Variants in FBLN1 observed in about 807,000 individuals in gnomAD.
FBLN1 encodes the protein fibulin-1.
Under a neutral mutation model 89.7 loss-of-function variants are expected in FBLN1, and 34 were observed. The ratio of observed to expected loss-of-function variants is 0.38; its 90% confidence interval spans 0.29 to 0.50. The LOEUF (loss-of-function observed/expected upper bound fraction) is 0.50, where lower values mean the gene tolerates loss of function less well. Among genes scored for constraint, FBLN1 ranks in the 20% least tolerant of loss-of-function variants. The pLI is 0.92. For missense variants in FBLN1, 777 were observed against 988.1 expected (o/e 0.79, Z 2.86); for synonymous variants, 393 against 391.3 (o/e 1.00, Z -0.05).
intron 14 of FBLN1, among the ~76,000 whole-genome samples, chr22:45,573,680 CAAAAAA>C (rs60082908): frequency 6.8e-5 from 4 of 58,942 alleles, no homozygotes; most frequent in Non-Finnish European, 1.1e-4. Flanking sequence ...GACTCTGTCT[CAAAAAA>C]AAAAAAAAAA....
In FBLN1 at chr22:45,550,227, AC is replaced by A. The variant is rs569346379; in HGVS notation, c.1574-262del. ...CTTATCCTTGCGAGGTACTCCCAGG[AC>A]CCATCATGTAGTGTTTACTTTTACC... is the stretch of plus-strand genomic sequence containing the variant. On this transcript the variant is annotated intron_variant, in intron 13 of 16. Coordinates refer to ENST00000327858, the MANE Select transcript of FBLN1 (RefSeq NM_006486.3). The surrounding 1 kb of genome is among the most constrained non-coding windows in gnomAD (Gnocchi z 8.4). Among the ~76,000 whole-genome samples the A allele has an allele frequency of 1.1e-4, 17 of 152,160 alleles. No homozygotes were observed. Among genetic ancestry groups the A allele is most frequent in the Non-Finnish European group, 2.1e-4 (14 of 68,022 alleles).
At chr22:45,566,907 A>G (rs2088905504) in intron 14 of FBLN1, among the ~76,000 whole-genome samples, 1 of 152,268 alleles carries the variant, frequency 6.6e-6, no homozygotes, top group Non-Finnish European at 1.5e-5. Flanking sequence ...TAACAACTCC[A>G]ACAGCTAACA....
intron 4 of FBLN1, among the ~76,000 whole-genome samples, chr22:45,528,336 A>G (rs535725603): frequency 6.6e-6 from 1 of 151,476 alleles, no homozygotes; most frequent in African/African-American, 2.4e-5. Flanking sequence ...ACAGACTTAC[A>G]TGTTAATCTC....
rs1284521269 is a variant in FBLN1 at position 45,562,060 on chromosome 22, C to T, written c.1697+11445C>T. ...TCTTTTGGCAACACCCTCACAGACACACCCAGGATCAATACTTTGTATCCT... is the reference window on the plus strand; with the variant it reads ...TCTTTTGGCAACACCCTCACAGACATACCCAGGATCAATACTTTGTATCCT... On this transcript the variant is annotated intron_variant, in intron 14 of 16. Transcript: ENST00000327858. The surrounding 1 kb of genome is among the most constrained non-coding windows in gnomAD (Gnocchi z 7.8). Among the ~76,000 whole-genome samples the T allele has an allele frequency of 1.3e-5, 2 of 152,318 alleles. No individual in the cohort carries two copies. Among genetic ancestry groups the T allele is most frequent in the East Asian group, 3.9e-4 (2 of 5,190 alleles).
At chr22:45,540,968 T>C (rs530058780) in intron 8 of FBLN1, among the ~76,000 whole-genome samples, 1 of 152,266 alleles carries the variant, frequency 6.6e-6, no homozygotes, top group South Asian at 2.1e-4. Flanking sequence ...CAGGTCCCGA[T>C]TTGGCGCAGC....
chr22:45,563,751 C>T lies in FBLN1; in HGVS notation c.1698-10760C>T, dbSNP rs567481143. ...CTGTGGCCATGCCAGGTCAAGGAAGCGGGTCTGCTGGCCCCTGCCTGGTTC... is the reference window on the plus strand; with the variant it reads ...CTGTGGCCATGCCAGGTCAAGGAAGTGGGTCTGCTGGCCCCTGCCTGGTTC... On this transcript the variant is annotated intron_variant, in intron 14 of 16. Coordinates refer to ENST00000327858, the MANE Select transcript of FBLN1 (RefSeq NM_006486.3). This position sits in a 1 kb window ranked among gnomAD's most constrained non-coding sequence, Gnocchi z 5.7. 4.6e-5 allele frequency among the ~76,000 whole-genome samples: 7 copies of T among 152,274 alleles called. No individual in the cohort carries two copies. The highest frequency in any genetic ancestry group is 2.6e-4 in the Admixed American group (4 of 15,300).
rs72184550 is a variant in FBLN1, at chr22:45,530,081, TGTTCTTA to T, written c.485-1180_485-1174del. On this transcript the variant is annotated intron_variant, in intron 4 of 16. Coordinates refer to ENST00000327858, the MANE Select transcript of FBLN1 (RefSeq NM_006486.3). This position sits in a 1 kb window ranked among gnomAD's most constrained non-coding sequence, Gnocchi z 5.4. ...CACCCGGGACTCATCTTTCACTTAT[TGTTCTTA>T]GTTTTTCAAGTCCAGGGCCCCATGG... Among the ~76,000 whole-genome samples, 23,443 of 151,972 alleles carry T rather than the reference TGTTCTTA, an allele frequency of 0.15. 2,357 individuals carry two copies. Among genetic ancestry groups the T allele is most frequent in the African/African-American group, 0.28 (11,788 of 41,362 alleles).
At chr22:45,507,209 G>C (rs879590362) in intron 1 of FBLN1, among the ~76,000 whole-genome samples, 16 of 152,170 alleles carry the variant, frequency 1.1e-4, no homozygotes, top group Admixed American at 9.2e-4. Context: ...CCCCACAGTG[G>C]TCCTAACTAG....
Position 45,563,374 on chromosome 22 carries a change from C to T in FBLN1, c.1698-11137C>T. 6.4e-7 allele frequency: 1 copy of T among 1,555,632 alleles called. No homozygotes were observed. The highest frequency in any genetic ancestry group is 8.6e-7 in the Non-Finnish European group (1 of 1,157,058). On this transcript the variant is annotated intron_variant, in intron 14 of 16. Transcript: ENST00000327858. This position sits in a 1 kb window ranked among gnomAD's most constrained non-coding sequence, Gnocchi z 5.7. ...GTCCCACACAGTGAGCCTCGCGTGCCTTGGTTTTATTTGGCATGGTTGGGA... is the reference window on the plus strand; with the variant it reads ...GTCCCACACAGTGAGCCTCGCGTGCTTTGGTTTTATTTGGCATGGTTGGGA...
intron 1 of FBLN1, among the ~76,000 whole-genome samples, chr22:45,506,443 C>T (rs1438056280): frequency 1.3e-5 from 2 of 152,200 alleles, no homozygotes; most frequent in African/African-American, 4.8e-5. Context: ...GTGGATGTGG[C>T]AGGAAAGGAG....
Position 45,558,124 on chromosome 22 carries a change from G to A in FBLN1, c.1697+7509G>A, listed in dbSNP as rs762235958. 5.6e-6 allele frequency: 4 copies of A among 716,038 alleles called. No homozygotes were observed. The South Asian group carries it at 5.9e-5, about 11-fold the overall frequency. The allele number at this position is 716,038 out of a possible 1,614,324, so 44.4% of individuals were successfully genotyped here. A position where few individuals can be genotyped will look rare whatever the true frequency, so the allele number is the denominator to read the frequency against. On this transcript the variant is annotated intron_variant, in intron 14 of 16. Coordinates refer to ENST00000327858, the MANE Select transcript of FBLN1 (RefSeq NM_006486.3). ...ATCGGTGCAGGCTGGAGAAGAGAAG[G>A]CAAGTTGGCAGGAGTGGAGACCACG...
rs889003794 is a variant in FBLN1 at position 45,574,725 on chromosome 22, A to G, written c.1840+72A>G. 13 of 1,364,160 alleles carry G rather than the reference A, an allele frequency of 9.5e-6. 1 individual carries two copies. The highest frequency in any genetic ancestry group is 1.8e-4 in the Middle Eastern group (1 of 5,618). 84.5% of individuals were successfully genotyped at this position (1,364,160 alleles called of 1,614,324 possible). ...TCGGCTTCAGCTGAGGGCTTGGCCT[A>G]CAGGAGTTGTTCCTTGTAAGATGTG... On this transcript the variant is annotated intron_variant, in intron 15 of 16. Transcript: ENST00000327858. The surrounding 1 kb of genome is among the most constrained non-coding windows in gnomAD (Gnocchi z 4.1).
chr22:45,546,500 C>T (rs1474345755), intron 11 of FBLN1, among the ~76,000 whole-genome samples: 6 of 152,250 alleles, frequency 3.9e-5, no homozygotes, highest in Admixed American at 3.3e-4. Flanking sequence ...AGGCATGAGC[C>T]ACCATGCCTT....
chr22:45,505,378 T>A (rs986642858), intron 1 of FBLN1, among the ~76,000 whole-genome samples: 2 of 151,048 alleles, frequency 1.3e-5, no homozygotes, highest in African/African-American at 5.0e-5. Flanking sequence ...AGTTTCCCAG[T>A]CAGGAGGTGG....
chr22:45,585,170 A>C (rs2089073993), intron 16 of FBLN1, among the ~76,000 whole-genome samples: 1 of 152,198 alleles, frequency 6.6e-6, no homozygotes, highest in African/African-American at 2.4e-5. Context: ...TGTGTTGTGC[A>C]CTGCAAAATC....
intron 10 of FBLN1, 37 bp from the exon 11 acceptor site, chr22:45,543,363 TG>T: frequency 1.2e-6 from 2 of 1,608,082 alleles, no homozygotes; most frequent in Admixed American, 1.7e-5. Flanking sequence ...GCCACTGTGT[TG>T]GACATTGCCC....
intron 14 of FBLN1, among the ~76,000 whole-genome samples, chr22:45,568,603 TCTGTAAGGGAATGCTCCTC>T (rs1418584273): frequency 6.8e-5 from 2 of 29,544 alleles, no homozygotes; most frequent in African/African-American, 2.4e-4. Flanking sequence ...GAATGCTCCT[TCTGTAAGGGAATGCTCCTC>T]CTGTAAGGGA....
At position 45,528,065 on chromosome 22, in the gene FBLN1, G is replaced by A. The variant is rs1162522740; in HGVS notation, c.484+56G>A. ...AGTGTATTAAGGTTCTCCGGGATGTGTATATAGAGCGAGAGTGGAGAGAGA... is the reference window on the plus strand; with the variant it reads ...AGTGTATTAAGGTTCTCCGGGATGTATATATAGAGCGAGAGTGGAGAGAGA... On this transcript the variant is annotated intron_variant, in intron 4 of 16. Coordinates refer to ENST00000327858, the MANE Select transcript of FBLN1 (RefSeq NM_006486.3). 10 of 1,582,892 alleles carry A rather than the reference G, an allele frequency of 6.3e-6. 1 individual carries two copies. Among genetic ancestry groups the A allele is most frequent in the Admixed American group, 3.3e-5 (2 of 59,942 alleles).
chr22:45,589,652 C>T (rs1015861293), intron 16 of FBLN1, among the ~76,000 whole-genome samples: 4 of 152,148 alleles, frequency 2.6e-5, no homozygotes, highest in African/African-American at 9.7e-5. Flanking sequence ...ACCAACTTCA[C>T]CTGTCCCCTC....
Sources: allele counts gnomAD v4.1 joint callset (sites outside exome capture counted in the v4.1 genomes callset), GRCh38; gene constraint gnomAD v4.1.1; non-coding constraint Gnocchi (gnomAD v3.1); transcripts MANE v1.5; gene names NCBI Gene and HGNC (gene_info 2026-07-23, HGNC 2026-07-21).